CEP57L1: variants seen among roughly 807,000 people sequenced by gnomAD.
CEP57L1 encodes the protein centrosomal protein 57 like 1.
CEP57L1 carries 37 observed loss-of-function variants against 61.0 expected under a neutral mutation model. That is an observed-to-expected ratio of 0.61 (90% CI 0.47 to 0.80). The LOEUF is 0.80. Among genes scored for constraint, CEP57L1 ranks in the 30% least tolerant of loss-of-function variants. The pLI is 0.00. For synonymous variants in CEP57L1, 137 were observed against 162.3 expected, an observed-to-expected ratio of 0.84 and a Z score of 1.19; for missense variants, 422 against 524.7, an observed-to-expected ratio of 0.80 and a Z score of 1.91.
intron 1 of CEP57L1, among the ~76,000 whole-genome samples, chr6:109,136,745 A>ATTTTATTTTG (rs1562100590): frequency 7.0e-6 from 1 of 141,946 alleles, no homozygotes; most frequent in Non-Finnish European, 1.5e-5. Flanking sequence ...ATTTTATTTT[A>ATTTTATTTTG]TTTTATTTTA....
intron 4 of CEP57L1, among the ~76,000 whole-genome samples, chr6:109,153,554 G>C (rs771745113): frequency 1.3e-5 from 2 of 149,998 alleles, no homozygotes; most frequent in Non-Finnish European, 3.0e-5. Context: ...CCTTTTTTGC[G>C]TGTTATATTT....
intron 1 of CEP57L1, among the ~76,000 whole-genome samples, chr6:109,113,792 A>G (rs1426657320): frequency 6.6e-6 from 1 of 152,152 alleles, no homozygotes. Context: ...TTTAGTTACC[A>G]AATGCTTATT....
At chr6:109,161,338 A>C (rs1773699082) in intron 10 of CEP57L1, among the ~76,000 whole-genome samples, 1 of 152,190 alleles carries the variant, frequency 6.6e-6, no homozygotes, top group Non-Finnish European at 1.5e-5. Context: ...TTTAATTCCA[A>C]GACAATGACT....
upstream of CEP57L1, chr6:109,095,261 A>C (rs936309905): frequency 1.9e-5 from 19 of 985,558 alleles, no homozygotes; most frequent in Non-Finnish European, 2.2e-5. Context: ...AGTAAGACGT[A>C]GAAGTACACT....
chr6:109,138,794 C>G (rs2114817895), intron 1 of CEP57L1, among the ~76,000 whole-genome samples: 2 of 152,282 alleles, frequency 1.3e-5, no homozygotes, highest in South Asian at 4.1e-4. Context: ...ATAGTCCCCC[C>G]TTGTCCATGA....
At chr6:109,098,723 C>T (rs539458487) in intron 1 of CEP57L1, among the ~76,000 whole-genome samples, 1 of 152,124 alleles carries the variant, frequency 6.6e-6, no homozygotes, top group South Asian at 2.1e-4. Flanking sequence ...CAAGTGATTG[C>T]CTCAAGTGAT....
intron 1 of CEP57L1, among the ~76,000 whole-genome samples, chr6:109,105,052 A>G (rs1347619269): frequency 6.6e-6 from 1 of 151,824 alleles, no homozygotes; most frequent in Non-Finnish European, 1.5e-5. Context: ...TTCCTTTGTT[A>G]ATTGACCTTT....
chr6:109,151,369 T>C (rs1474241263), intron 4 of CEP57L1, among the ~76,000 whole-genome samples: 1 of 152,202 alleles, frequency 6.6e-6, no homozygotes, highest in Non-Finnish European at 1.5e-5. Context: ...TTTTAATAGC[T>C]GCTCTATGAA....
intron 1 of CEP57L1, among the ~76,000 whole-genome samples, chr6:109,138,749 T>C (rs1771017532): frequency 6.6e-6 from 1 of 152,224 alleles, no homozygotes; most frequent in Non-Finnish European, 1.5e-5. Context: ...CCGCCTTTTA[T>C]CAAATACATA....
intron 1 of CEP57L1, among the ~76,000 whole-genome samples, chr6:109,118,704 C>T (rs534256408): frequency 1.3e-5 from 2 of 152,322 alleles, no homozygotes; most frequent in South Asian, 2.1e-4. Context: ...TGTGTTGCTT[C>T]GTCACAGAAT....
chr6:109,110,293 G>C (rs540018612), intron 1 of CEP57L1, among the ~76,000 whole-genome samples: 2 of 152,338 alleles, frequency 1.3e-5, no homozygotes, highest in South Asian at 4.1e-4. Flanking sequence ...AATGACCAGT[G>C]ATGATGAGCT....
chr6:109,143,182 A>T lies in CEP57L1; in HGVS notation c.-3-2037A>T, dbSNP rs141361802. Among the ~76,000 whole-genome samples, 576 of 152,258 alleles carry T rather than the reference A, an allele frequency of 3.8e-3. 3 individuals are homozygous for T. Among genetic ancestry groups the T allele is most frequent in the South Asian group, 0.012 (59 of 4,826 alleles). ...TATTTAAACTCTCTCTCTTTTTAGA[A>T]CCCACATATGAGTCCATGGCACTAG... On this transcript the variant is annotated intron_variant, in intron 1 of 10. Transcript: ENST00000517392.
chr6:109,101,840 C>T (rs926411237), intron 1 of CEP57L1, among the ~76,000 whole-genome samples: 1 of 152,100 alleles, frequency 6.6e-6, no homozygotes, highest in South Asian at 2.1e-4. Context: ...AAGATGGTCT[C>T]GATCTCCTGA....
intron 1 of CEP57L1, among the ~76,000 whole-genome samples, chr6:109,143,215 ATAAAT>A (rs1172688945): frequency 6.6e-6 from 1 of 152,176 alleles, no homozygotes; most frequent in Non-Finnish European, 1.5e-5. Flanking sequence ...TAGGTCAGAG[ATAAAT>A]TAGAATGACC....
At chr6:109,145,834 A>G (rs1771898135) in intron 2 of CEP57L1, among the ~76,000 whole-genome samples, 1 of 151,968 alleles carries the variant, frequency 6.6e-6, no homozygotes, top group Non-Finnish European at 1.5e-5. Flanking sequence ...TTAACGTTTA[A>G]AATAGAAATG....
chr6:109,107,232 A>G (rs1771047137), intron 1 of CEP57L1, among the ~76,000 whole-genome samples: 1 of 151,970 alleles, frequency 6.6e-6, no homozygotes, highest in Non-Finnish European at 1.5e-5. Context: ...AAATCCAACC[A>G]TGATTCACGA....
chr6:109,124,985 C>G (rs1183552413), intron 1 of CEP57L1: 1 of 152,060 alleles, frequency 6.6e-6, no homozygotes, highest in East Asian at 1.9e-4. Context: ...TTCTTATTTG[C>G]TATAGGTTGG....
intron 2 of CEP57L1, 141 bp downstream of exon 2, chr6:109,145,522 C>A: frequency 1.7e-6 from 1 of 576,498 alleles, no homozygotes; most frequent in Non-Finnish European, 2.9e-6. Flanking sequence ...TTTCTATGAA[C>A]TTAGACAAAT....
At chr6:109,107,365 A>G (rs1771067709) in intron 1 of CEP57L1, among the ~76,000 whole-genome samples, 1 of 151,880 alleles carries the variant, frequency 6.6e-6, no homozygotes, top group Non-Finnish European at 1.5e-5. Context: ...AGGTTAGAGG[A>G]GAGTTTTCTC....
Sources: allele counts gnomAD v4.1 joint callset (sites outside exome capture counted in the v4.1 genomes callset), GRCh38; gene constraint gnomAD v4.1.1; transcripts MANE v1.5; gene names NCBI Gene and HGNC (gene_info 2026-07-23, HGNC 2026-07-21).